VMP1: variants seen among roughly 807,000 people sequenced by gnomAD.
VMP1 encodes vacuole membrane protein 1, also known as ectopic P-granules autophagy protein 3 homolog.
VMP1 carries 11 observed loss-of-function variants against 56.0 expected under a neutral mutation model. The ratio of observed to expected loss-of-function variants is 0.20; its 90% CI spans 0.12 to 0.32. The LOEUF is 0.32. VMP1 is among the 10% of genes least tolerant of loss of function. The probability of loss-of-function intolerance (pLI) is 1.00; values close to 1 mark genes in which losing one functional copy is unlikely to be tolerated. For missense variants in VMP1, 296 were observed against 490.3 expected (o/e 0.60, Z 3.74); for synonymous variants, 149 against 165.0 (o/e 0.90, Z 0.74).
At chr17:59,739,535 T>C (rs569319859) in intron 5 of VMP1, among the ~76,000 whole-genome samples, 82 of 151,636 alleles carry the variant, frequency 5.4e-4, no homozygotes, top group Admixed American at 2.4e-3. Context: ...CCATCCTGGC[T>C]AACATGGTGA....
chr17:59,735,963 A>G (rs1352590836), intron 3 of VMP1, among the ~76,000 whole-genome samples: 2 of 152,212 alleles, frequency 1.3e-5, no homozygotes, highest in South Asian at 2.1e-4. Flanking sequence ...GAACTTTTAC[A>G]TGCCTTATCT....
intron 10 of VMP1, among the ~76,000 whole-genome samples, chr17:59,837,342 A>T (rs1331685296): frequency 6.6e-6 from 1 of 152,152 alleles, no homozygotes; most frequent in African/African-American, 2.4e-5. Context: ...CCTTAGCCCT[A>T]TGTAACAGGT....
intron 2 of VMP1, among the ~76,000 whole-genome samples, chr17:59,732,673 T>C (rs527561119): frequency 2.9e-4 from 44 of 152,366 alleles, no homozygotes; most frequent in African/African-American, 1.0e-3. Flanking sequence ...AGATGGGCAT[T>C]GCATACATCA....
In VMP1 at chr17:59,840,485, G is replaced by A. The variant is rs962087615; in HGVS notation, c.*574G>A. On this transcript the variant is annotated 3_prime_UTR_variant, in exon 12 of 12. Transcript: ENST00000262291. ...TCTTTAAATTTTGAGACAGTATAAG[G>A]AAAATCTGGTTGGTGTCTTACAAGT... 2.0e-5 allele frequency: 3 copies of A among 152,642 alleles called. No individual in the cohort carries two copies. Among genetic ancestry groups the A allele is most frequent in the African/African-American group, 7.2e-5 (3 of 41,390 alleles). 9.5% of individuals were successfully genotyped at this position (152,642 alleles called of 1,614,324 possible).
intron 5 of VMP1, among the ~76,000 whole-genome samples, chr17:59,741,295 A>G (rs2035216751): frequency 6.6e-6 from 1 of 152,162 alleles, no homozygotes; most frequent in African/African-American, 2.4e-5. Flanking sequence ...TGGGAGATAG[A>G]TTGAAGGTGG....
intron 5 of VMP1, among the ~76,000 whole-genome samples, chr17:59,748,360 G>A (rs1466498928): frequency 6.6e-6 from 1 of 152,044 alleles, no homozygotes; most frequent in Non-Finnish European, 1.5e-5. Flanking sequence ...GATTGAAACC[G>A]ATTTTGTTAA....
At chr17:59,757,266 T>C (rs1468083809) in intron 5 of VMP1, among the ~76,000 whole-genome samples, 1 of 151,928 alleles carries the variant, frequency 6.6e-6, no homozygotes, top group African/African-American at 2.4e-5. Context: ...GATAGATAGA[T>C]AGATAGATAG....
chr17:59,771,606 G>GT (rs1306304917), intron 6 of VMP1, among the ~76,000 whole-genome samples: 4,456 of 123,418 alleles, frequency 0.036, 127 homozygotes, highest in African/African-American at 0.055. Context: ...GGTTTTTTTG[G>GT]TTTTTTTTTT....
intron 8 of VMP1, among the ~76,000 whole-genome samples, chr17:59,810,861 T>C (rs1194332831): frequency 2.6e-5 from 4 of 152,232 alleles, no homozygotes; most frequent in Admixed American, 6.5e-5. Context: ...AGTACTTTCA[T>C]AGGAGAAGAA....
intron 9 of VMP1, among the ~76,000 whole-genome samples, chr17:59,814,364 A>C (rs1275189901): frequency 6.6e-6 from 1 of 152,198 alleles, no homozygotes; most frequent in Admixed American, 6.5e-5. Flanking sequence ...AGGAATTACT[A>C]TACCCATTTT....
At chr17:59,747,314 T>C (rs2035457992) in intron 5 of VMP1, among the ~76,000 whole-genome samples, 1 of 152,116 alleles carries the variant, frequency 6.6e-6, no homozygotes, top group South Asian at 2.1e-4. Context: ...TCCCAGCACA[T>C]TGGGAGAGGG....
At chr17:59,779,194 A>G (rs1339969065) in intron 7 of VMP1, among the ~76,000 whole-genome samples, 1 of 152,226 alleles carries the variant, frequency 6.6e-6, no homozygotes. Flanking sequence ...CTAAAGCTAG[A>G]CTGGGGAAGA....
chr17:59,717,084 A>G (rs950465118), intron 1 of VMP1, among the ~76,000 whole-genome samples: 3 of 151,494 alleles, frequency 2.0e-5, no homozygotes, highest in Non-Finnish European at 2.9e-5. Context: ...GGTTCACGCC[A>G]TTCTCCTTCT....
At chr17:59,822,216 A>T (rs2038479262) in intron 10 of VMP1, among the ~76,000 whole-genome samples, 1 of 152,046 alleles carries the variant, frequency 6.6e-6, no homozygotes, top group Non-Finnish European at 1.5e-5. Flanking sequence ...TTATTATCAG[A>T]TCCCAAAGGG....
chr17:59,836,776 C>A (rs2038996662), intron 10 of VMP1, among the ~76,000 whole-genome samples: 1 of 147,298 alleles, frequency 6.8e-6, no homozygotes. Context: ...TATTTGGTGA[C>A]TGATAGATAA....
chr17:59,764,433 A>G (rs1401176613), intron 5 of VMP1, among the ~76,000 whole-genome samples: 1 of 152,100 alleles, frequency 6.6e-6, no homozygotes, highest in Non-Finnish European at 1.5e-5. Context: ...GGCTCAAGCA[A>G]TGCCTCCTAC....
At position 59,841,442 on chromosome 17, in the gene VMP1, C is replaced by T. The variant is rs2039154183; in HGVS notation, c.*1531C>T. 3.0e-6 allele frequency: 1 copy of T among 338,942 alleles called. No individual in the cohort carries two copies. The highest frequency in any genetic ancestry group is 2.5e-5 in the Admixed American group (1 of 40,132). The allele number at this position is 338,942 out of a possible 1,614,324, so 21.0% of individuals were successfully genotyped here. On this transcript the variant is annotated 3_prime_UTR_variant, in exon 12 of 12. Transcript: ENST00000262291. ...ACTCTGGTCCTTCTGTCTGGTGGCA[C>T]TTAGAGTCTTTTGTGCCATAATGCA...
At position 59,828,975 on chromosome 17, in the gene VMP1, G is replaced by A. The variant is rs761316773; in HGVS notation, c.975-9320G>A. On this transcript the variant is annotated intron_variant, in intron 10 of 11. Transcript: ENST00000262291. ...TACTAAAAATACAAAAACTAGCAGGGTGTAGTGGTGCCTACCTGTAATCCC... is the reference window on the plus strand; with the variant it reads ...TACTAAAAATACAAAAACTAGCAGGATGTAGTGGTGCCTACCTGTAATCCC... 1.1e-4 allele frequency among the ~76,000 whole-genome samples: 16 copies of A among 152,238 alleles called. No homozygotes were observed. In the Middle Eastern group the frequency reaches 0.014, roughly 129 times the overall value.
chr17:59,804,435 G>A (rs1280286439), intron 7 of VMP1, among the ~76,000 whole-genome samples: 1 of 151,836 alleles, frequency 6.6e-6, no homozygotes, highest in Non-Finnish European at 1.5e-5. Context: ...GCAACACGGT[G>A]AAACTCTATC....
Sources: allele counts gnomAD v4.1 joint callset (sites outside exome capture counted in the v4.1 genomes callset), GRCh38; gene constraint gnomAD v4.1.1; transcripts MANE v1.5; gene names NCBI Gene and HGNC (gene_info 2026-07-23, HGNC 2026-07-21).